The following LINC01488 variants were observed in gnomAD, a reference collection of about 807,000 sequenced individuals.
The protein encoded by LINC01488 is long independently transcribed non-coding RNA 1488.
intron 1 of LINC01488, among the ~76,000 whole-genome samples, chr11:69,483,201 G>A (rs781775429): frequency 5.3e-5 from 8 of 152,142 alleles, no homozygotes; most frequent in East Asian, 1.9e-4. Flanking sequence ...GCTTTTCCAC[G>A]GTCTGGAGTC....
chr11:69,483,998 C>G (rs2134965589), intron 1 of LINC01488, among the ~76,000 whole-genome samples: 1 of 152,336 alleles, frequency 6.6e-6, no homozygotes, highest in South Asian at 2.1e-4. Flanking sequence ...TGATGCCCGA[C>G]TCACTCCACG....
At chr11:69,483,914 G>A (rs898266108) in intron 1 of LINC01488, among the ~76,000 whole-genome samples, 4 of 152,200 alleles carry the variant, frequency 2.6e-5, no homozygotes, top group Admixed American at 2.0e-4. Context: ...TGTCTCAGGC[G>A]CTTCAAAGAA....
intron 2 of LINC01488, chr11:69,490,918 T>A (rs1332066701): frequency 7.4e-6 from 1 of 135,088 alleles, no homozygotes; most frequent in African/African-American, 2.8e-5. Context: ...CCCTCCTCAC[T>A]TACCCCTGCG....
intron 1 of LINC01488, among the ~76,000 whole-genome samples, chr11:69,484,481 A>C (rs753267724): frequency 1.2e-4 from 18 of 152,184 alleles, no homozygotes; most frequent in African/African-American, 2.4e-5. Flanking sequence ...GGGAGCCCTG[A>C]GATGTCACAA....
At chr11:69,482,302 A>G (rs1307483625) in intron 1 of LINC01488, among the ~76,000 whole-genome samples, 1 of 152,194 alleles carries the variant, frequency 6.6e-6, no homozygotes, top group Non-Finnish European at 1.5e-5. Flanking sequence ...CGCCCCCATG[A>G]TTCAATTATC....
At chr11:69,489,620 C>T (rs1329852163) in intron 1 of LINC01488, among the ~76,000 whole-genome samples, 1 of 152,258 alleles carries the variant, frequency 6.6e-6, no homozygotes, top group Non-Finnish European at 1.5e-5. Context: ...GCTGCGGACT[C>T]CCATGCACCG....
intron 1 of LINC01488, among the ~76,000 whole-genome samples, chr11:69,487,591 G>A (rs1030665948): frequency 6.6e-6 from 1 of 152,166 alleles, no homozygotes; most frequent in Non-Finnish European, 1.5e-5. Flanking sequence ...GTTCCCCGTC[G>A]GTCATGGCGC....
chr11:69,483,817 C>A (rs192592378), intron 1 of LINC01488, among the ~76,000 whole-genome samples: 2 of 151,656 alleles, frequency 1.3e-5, no homozygotes, highest in African/African-American at 2.4e-5. Flanking sequence ...AACCAAGGCC[C>A]GGGCCGGCCC....
intron 1 of LINC01488, among the ~76,000 whole-genome samples, chr11:69,481,944 T>G (rs1857051929): frequency 1.3e-5 from 2 of 151,844 alleles, no homozygotes; most frequent in South Asian, 2.1e-4. Flanking sequence ...GATGGATAGA[T>G]GAGTAGATGG....
intron 1 of LINC01488, among the ~76,000 whole-genome samples, chr11:69,484,550 C>T (rs1857084559): frequency 6.6e-6 from 1 of 152,252 alleles, no homozygotes; most frequent in African/African-American, 2.4e-5. Flanking sequence ...ACAAAGGACA[C>T]CTCACAAAGG....
intron 1 of LINC01488, among the ~76,000 whole-genome samples, chr11:69,484,000 C>T (rs1287378232): frequency 1.3e-5 from 2 of 152,238 alleles, no homozygotes; most frequent in Non-Finnish European, 2.9e-5. Context: ...ATGCCCGACT[C>T]ACTCCACGAC....
chr11:69,483,832 G>A (rs1256583346), intron 1 of LINC01488, among the ~76,000 whole-genome samples: 1 of 152,186 alleles, frequency 6.6e-6, no homozygotes, highest in African/African-American at 2.4e-5. Context: ...CGGCCCGGCT[G>A]GCGGGCAGCA....
At chr11:69,485,708 A>G (rs544788379) in intron 1 of LINC01488, 1 of 152,364 alleles carries the variant, frequency 6.6e-6, no homozygotes, top group Non-Finnish European at 1.5e-5. Flanking sequence ...TGCCCTAGCC[A>G]ATATTTGAGG....
At chr11:69,482,516 ACGG>A (rs1444322849) in intron 1 of LINC01488, among the ~76,000 whole-genome samples, 6 of 144,844 alleles carry the variant, frequency 4.1e-5, no homozygotes, top group African/African-American at 1.5e-4. Flanking sequence ...GAGTGGATGG[ACGG>A]ATGGATGAAT....
chr11:69,487,493 G>A (rs1053008752), intron 1 of LINC01488, among the ~76,000 whole-genome samples: 4 of 152,248 alleles, frequency 2.6e-5, no homozygotes, highest in African/African-American at 7.2e-5. Context: ...AGGACTGACG[G>A]GGAGCTAGGT....
chr11:69,489,655 A>C (rs1336853466), intron 1 of LINC01488, among the ~76,000 whole-genome samples: 1 of 152,242 alleles, frequency 6.6e-6, no homozygotes, highest in Non-Finnish European at 1.5e-5. Flanking sequence ...AAGGGCCGAG[A>C]GGCGTCCATA....
chr11:69,484,861 C>T (rs1475072969), intron 1 of LINC01488, among the ~76,000 whole-genome samples: 1 of 152,224 alleles, frequency 6.6e-6, no homozygotes, highest in African/African-American at 2.4e-5. Flanking sequence ...TCCCTGAAGC[C>T]GTCCACAGCA....
At chr11:69,490,092 C>T (rs1857194828) in intron 1 of LINC01488, among the ~76,000 whole-genome samples, 1 of 152,180 alleles carries the variant, frequency 6.6e-6, no homozygotes, top group Non-Finnish European at 1.5e-5. Flanking sequence ...CCCTCAACAC[C>T]CCAGCCAAGG....
intron 1 of LINC01488, among the ~76,000 whole-genome samples, chr11:69,485,044 C>T (rs557746469): frequency 1.3e-5 from 2 of 152,310 alleles, no homozygotes; most frequent in South Asian, 2.1e-4. Context: ...CACCACTCAC[C>T]CCACACCTTG....
Sources: allele counts gnomAD v4.1 joint callset (sites outside exome capture counted in the v4.1 genomes callset), GRCh38; gene constraint gnomAD v4.1.1; transcripts MANE v1.5; gene names NCBI Gene and HGNC (gene_info 2026-07-23, HGNC 2026-07-21).